The following MACROD2 variants were observed in gnomAD, a reference collection of about 807,000 sequenced individuals.
MACROD2 encodes ADP-ribose glycohydrolase MACROD2.
In MACROD2, 36 loss-of-function variants were observed where a neutral mutation model predicts 70.4. The observed-to-expected ratio is 0.51, with a 90% CI of 0.39 to 0.68. MACROD2 has a LOEUF of 0.68. MACROD2 is among the 30% of genes least tolerant of loss of function. The pLI, the probability that MACROD2 is intolerant of heterozygous loss-of-function variation, is 0.00. For missense variants in MACROD2, 496 were observed against 538.4 expected (o/e 0.92, Z 0.78); for synonymous variants, 172 against 178.8 (o/e 0.96, Z 0.30).
intron 3 of MACROD2, among the ~76,000 whole-genome samples, chr20:14,161,901 A>C (rs2055196162): frequency 6.6e-6 from 1 of 152,278 alleles, no homozygotes; most frequent in Middle Eastern, 3.4e-3. Flanking sequence ...CCTGATAGAC[A>C]CTTAAGTTGA....
intron 3 of MACROD2, among the ~76,000 whole-genome samples, chr20:14,096,462 G>A (rs2054228192): frequency 6.8e-6 from 1 of 146,590 alleles, no homozygotes. Context: ...CTCCTCCCCA[G>A]TTCGAGGGAT....
At chr20:15,055,625 G>A (rs1008888443) in intron 5 of MACROD2, among the ~76,000 whole-genome samples, 3 of 152,088 alleles carry the variant, frequency 2.0e-5, no homozygotes, top group African/African-American at 7.2e-5. Context: ...TCAGACCAGA[G>A]TTATGAATTT....
chr20:14,188,928 T>G (rs767392041), intron 3 of MACROD2, among the ~76,000 whole-genome samples: 3 of 152,158 alleles, frequency 2.0e-5, no homozygotes, highest in Non-Finnish European at 4.4e-5. Context: ...AGCTCTTAAA[T>G]TTTATCCAAT....
At chr20:15,374,658 C>T (rs1264318620) in intron 6 of MACROD2, among the ~76,000 whole-genome samples, 2 of 152,104 alleles carry the variant, frequency 1.3e-5, no homozygotes, top group African/African-American at 4.8e-5. Flanking sequence ...AATAGAGTGC[C>T]ACTATTCCTG....
intron 5 of MACROD2, among the ~76,000 whole-genome samples, chr20:15,057,578 T>A (rs1207621776): frequency 1.3e-5 from 2 of 152,190 alleles, no homozygotes; most frequent in Non-Finnish European, 2.9e-5. Flanking sequence ...CATCCCACCT[T>A]GCAACCATGA....
chr20:14,066,805 A>ATTT lies in MACROD2; in HGVS notation c.164-18795_164-18793dup, dbSNP rs34648174. 7.1e-3 allele frequency among the ~76,000 whole-genome samples: 735 copies of ATTT among 104,096 alleles called. 12 individuals carry two copies. The highest frequency in any genetic ancestry group is 0.015 in the African/African-American group (425 of 28,182). The allele number at this position is 104,096 out of a possible 152,430, so 68.3% of individuals were successfully genotyped here. A position where few individuals can be genotyped will look rare whatever the true frequency, so the allele number is the denominator to read the frequency against. On this transcript the variant is annotated intron_variant, in intron 2 of 17. Transcript: ENST00000684519. The stretch of plus-strand genomic sequence containing the variant: ...AATTATGAATGCTGTTGTTTTAGTG[A>ATTT]TTTTTTTTTTTTTTTTTTTTTTTGA...
intron 8 of MACROD2, among the ~76,000 whole-genome samples, chr20:15,809,543 G>C (rs1465453894): frequency 6.6e-6 from 1 of 152,176 alleles, no homozygotes; most frequent in Non-Finnish European, 1.5e-5. Context: ...AGAAGCTAGA[G>C]CTAGTATGTG....
At chr20:14,491,058 T>A (rs2084787876) in intron 3 of MACROD2, among the ~76,000 whole-genome samples, 1 of 152,142 alleles carries the variant, frequency 6.6e-6, no homozygotes, top group African/African-American at 2.4e-5. Context: ...TAAATTATTA[T>A]TAATTTTAGA....
intron 12 of MACROD2, among the ~76,000 whole-genome samples, chr20:15,967,185 T>C (rs940352243): frequency 1.3e-5 from 2 of 152,188 alleles, no homozygotes; most frequent in African/African-American, 4.8e-5. Context: ...ACCACAGTAA[T>C]GGAAGCATTA....
chr20:14,307,527 G>A (rs560113361), intron 3 of MACROD2, among the ~76,000 whole-genome samples: 1 of 152,080 alleles, frequency 6.6e-6, no homozygotes, highest in Non-Finnish European at 1.5e-5. Flanking sequence ...AATAACAATT[G>A]TAGATCTCCT....
rs201173430 is a variant in MACROD2, at chr20:15,835,627, TGTAA to T, written c.646-27115_646-27112del. 3.4e-4 allele frequency among the ~76,000 whole-genome samples: 51 copies of T among 152,226 alleles called. No homozygotes were observed. In the East Asian group the frequency reaches 9.8e-3, roughly 29 times the overall value. On this transcript the variant is annotated intron_variant, in intron 8 of 17. Coordinates refer to ENST00000684519, the MANE Select transcript of MACROD2 (RefSeq NM_001351661.2). ...ATTAATATCAATTATTATATCTATT[TGTAA>T]GTGATAGAATAATTATAATATTATA...
chr20:15,579,235 G>A (rs2048491029), intron 8 of MACROD2, among the ~76,000 whole-genome samples: 1 of 152,068 alleles, frequency 6.6e-6, no homozygotes, highest in African/African-American at 2.4e-5. Flanking sequence ...GAGTTATTGG[G>A]AGCCTCAGAA....
intron 6 of MACROD2, among the ~76,000 whole-genome samples, chr20:15,424,932 G>T (rs117730540): frequency 0.022 from 3,398 of 152,290 alleles, 58 homozygotes; most frequent in Non-Finnish European, 0.034. Flanking sequence ...GCCATCCCTT[G>T]ACTTTCAGCT....
At chr20:15,003,603 C>G (rs773081616) in intron 5 of MACROD2, among the ~76,000 whole-genome samples, 2 of 152,114 alleles carry the variant, frequency 1.3e-5, no homozygotes, top group Non-Finnish European at 2.9e-5. Context: ...TAACCCACTC[C>G]CTATCTTGCC....
Position 15,575,868 on chromosome 20 carries a change from C to T in MACROD2, c.645+76021C>T, listed in dbSNP as rs2048440650. ...CACGACTCCCTCCTCCCCAAAGGTA[C>T]CATTATTGTTGACTTCTTAGAAGAT... On this transcript the variant is annotated intron_variant, in intron 8 of 17. Coordinates refer to ENST00000684519, the MANE Select transcript of MACROD2 (RefSeq NM_001351661.2). 2.6e-5 allele frequency among the ~76,000 whole-genome samples: 4 copies of T among 152,080 alleles called. 1 individual carries two copies. The South Asian group carries it at 8.3e-4, about 32-fold the overall frequency.
chr20:15,437,870 A>G lies in MACROD2; in HGVS notation c.571+6435A>G, dbSNP rs2046446784. 3.3e-5 allele frequency among the ~76,000 whole-genome samples: 5 copies of G among 152,230 alleles called. 1 individual carries two copies. In the South Asian group the frequency reaches 1.0e-3, roughly 32 times the overall value. On this transcript the variant is annotated intron_variant, in intron 7 of 17. Coordinates refer to ENST00000684519, the MANE Select transcript of MACROD2 (RefSeq NM_001351661.2). Reference sequence around the variant, plus strand: ...GGCTGCATGGTATTCCATGGTGTATATGTACCACATTTCCTTTATCCACTC... The same window carrying G: ...GGCTGCATGGTATTCCATGGTGTATGTGTACCACATTTCCTTTATCCACTC...
chr20:15,597,915 C>T (rs552569462), intron 8 of MACROD2, among the ~76,000 whole-genome samples: 2 of 152,280 alleles, frequency 1.3e-5, no homozygotes, highest in South Asian at 2.1e-4. Context: ...CCTGTCTCCA[C>T]TGAAAATACA....
chr20:15,402,392 T>C (rs1462905335), intron 6 of MACROD2, among the ~76,000 whole-genome samples: 1 of 152,232 alleles, frequency 6.6e-6, no homozygotes, highest in African/African-American at 2.4e-5. Flanking sequence ...AAATTGCCTA[T>C]TACTTGCATA....
At chr20:15,374,598 A>G (rs1402821235) in intron 6 of MACROD2, among the ~76,000 whole-genome samples, 1 of 152,108 alleles carries the variant, frequency 6.6e-6, no homozygotes, top group Non-Finnish European at 1.5e-5. Flanking sequence ...GTGTTTTAAG[A>G]TTGTACAGAC....
Sources: gnomAD v4.1 joint callset for allele counts (sites outside exome capture counted in the v4.1 genomes callset) on GRCh38, gnomAD v4.1.1 for gene constraint, MANE v1.5 for transcripts, NCBI Gene and HGNC (gene_info 2026-07-23, HGNC 2026-07-21) for gene names.